Variants in BHLHE22 observed in about 807,000 individuals in gnomAD.
BHLHE22 encodes class E basic helix-loop-helix protein 22.
In BHLHE22, 8 loss-of-function variants were observed where a neutral mutation model predicts 17.6. The ratio of observed to expected loss-of-function variants is 0.45; its 90% CI spans 0.27 to 0.82. The LOEUF (loss-of-function observed/expected upper bound fraction) is 0.82. Among genes scored for constraint, BHLHE22 ranks in the 40% least tolerant of loss-of-function variants. The pLI is 0.16. For missense variants in BHLHE22, 570 were observed against 581.5 expected, an observed-to-expected ratio of 0.98 and a Z score of 0.20; for synonymous variants, 353 against 282.7, an observed-to-expected ratio of 1.25 and a Z score of -2.49.
rs764929269 is a variant in BHLHE22, at chr8:64,581,597, C to T, written c.807C>T (p.Ile269=). 5 of 1,612,760 alleles carry T rather than the reference C, an allele frequency of 3.1e-6. No individual in the cohort carries two copies. The highest frequency in any genetic ancestry group is 2.2e-5 in the South Asian group (2 of 91,036). ...CGCTGGACGAGCTGCGCGCGGTGAT[C>T]CCCTACGCGCACAGCCCCTCGGTGC... ...NDALDELRAV[I]PYAHSPSVRK... is the part of the protein sequence containing the mutation. Residue 269 remains isoleucine (I), a synonymous_variant, in exon 1 of 1, where the codon ATC becomes ATT. Coordinates refer to ENST00000321870, the MANE Select transcript of BHLHE22 (RefSeq NM_152414.5). This position sits in a 1 kb window ranked among gnomAD's most constrained non-coding sequence, Gnocchi z 6.4.
Position 64,581,057 on chromosome 8 carries a change from A to AAGTGGCGGCGGC in BHLHE22, c.268_279dup (p.Ser90_Gly93dup). ...GAGGAGGCGGCGGCGGCAGCGCGGG[A>AAGTGGCGGCGGC]AGTGGCGGCGGCGGCGGCGGCGGGG... is the stretch of plus-strand genomic sequence containing the variant. On this transcript the variant is annotated inframe_insertion, in exon 1 of 1. Coordinates refer to ENST00000321870, the MANE Select transcript of BHLHE22 (RefSeq NM_152414.5). This position sits in a 1 kb window ranked among gnomAD's most constrained non-coding sequence, Gnocchi z 6.4. 7.6e-7 allele frequency: 1 copy of AAGTGGCGGCGGC among 1,315,362 alleles called. No homozygotes were observed. The highest frequency in any genetic ancestry group is 9.6e-7 in the Non-Finnish European group (1 of 1,045,040). 81.5% of individuals were successfully genotyped at this position (1,315,362 alleles called of 1,614,324 possible). A position where few individuals can be genotyped will look rare whatever the true frequency, so the allele number is the denominator to read the frequency against.
At position 64,581,633 on chromosome 8, in the gene BHLHE22, C is replaced by G. The variant is rs1194812219; in HGVS notation, c.843C>G (p.Ser281=). The G allele has an allele frequency of 1.2e-6, 2 of 1,613,324 alleles. No homozygotes were observed. Among genetic ancestry groups the G allele is most frequent in the Non-Finnish European group, 1.7e-6 (2 of 1,179,872 alleles). Residue 281 remains serine, a synonymous_variant, in exon 1 of 1, where the codon TCC becomes TCG. Coordinates refer to ENST00000321870, the MANE Select transcript of BHLHE22 (RefSeq NM_152414.5). This position sits in a 1 kb window ranked among gnomAD's most constrained non-coding sequence, Gnocchi z 6.4. ...YAHSPSVRKL[S]KIATLLLAKN... ...ACAGCCCCTCGGTGCGAAAGCTCTC[C>G]AAGATCGCCACGCTGCTGCTCGCCA...
chr8:64,582,437 A>G lies in BHLHE22; in HGVS notation c.*501A>G, dbSNP rs1478722952. On this transcript the variant is annotated 3_prime_UTR_variant, in exon 1 of 1. Transcript: ENST00000321870. ...CAAATCAGAAAGGGCACTTGAAAAT[A>G]AATTTTGATTCTGAGCCAGGAGAAA... The G allele has an allele frequency of 5.9e-6, 1 of 169,314 alleles. No homozygotes were observed. The highest frequency in any genetic ancestry group is 1.4e-5 in the Non-Finnish European group (1 of 69,928). 10.5% of individuals were successfully genotyped at this position (169,314 alleles called of 1,614,324 possible). A position where few individuals can be genotyped will look rare whatever the true frequency, so the allele number is the denominator to read the frequency against.
In BHLHE22 at chr8:64,583,502, C is replaced by A. The variant is rs9650210; in HGVS notation, c.*1566C>A. 16,490 of 166,894 alleles carry A rather than the reference C, an allele frequency of 0.099. 860 individuals carry two copies. The highest frequency in any genetic ancestry group is 0.12 in the Non-Finnish European group (7,966 of 68,032). 10.3% of individuals were successfully genotyped at this position (166,894 alleles called of 1,614,324 possible). A position where few individuals can be genotyped will look rare whatever the true frequency, so the allele number is the denominator to read the frequency against. Reference sequence around the variant, plus strand: ...TTGGGAGCTGTGATGGATCTGTTGGCGGGTTTTGGATGTGTAAAGAATGAT... The same window carrying A: ...TTGGGAGCTGTGATGGATCTGTTGGAGGGTTTTGGATGTGTAAAGAATGAT... On this transcript the variant is annotated 3_prime_UTR_variant, in exon 1 of 1. Coordinates refer to ENST00000321870, the MANE Select transcript of BHLHE22 (RefSeq NM_152414.5).
chr8:64,582,289 A>C lies in BHLHE22; in HGVS notation c.*353A>C. 1 of 342,392 alleles carries C rather than the reference A, an allele frequency of 2.9e-6. No individual in the cohort carries two copies. The highest frequency in any genetic ancestry group is 5.6e-6 in the Non-Finnish European group (1 of 177,932). 21.2% of individuals were successfully genotyped at this position (342,392 alleles called of 1,614,324 possible). A position where few individuals can be genotyped will look rare whatever the true frequency, so the allele number is the denominator to read the frequency against. On this transcript the variant is annotated 3_prime_UTR_variant, in exon 1 of 1. Transcript: ENST00000321870. ...GTTGAGAAGTAGTGCTTGGTTATTA[A>C]GCCTGGAGAGTGTTTGAATGGCAAA...
Position 64,581,546 on chromosome 8 carries a change from C to A in BHLHE22, c.756C>A (p.Arg252=). The A allele has an allele frequency of 6.2e-7, 1 of 1,610,156 alleles. No individual in the cohort carries two copies. Among genetic ancestry groups the A allele is most frequent in the South Asian group, 1.1e-5 (1 of 90,948 alleles). ...GGCTTAACATCAATGCCCGAGAGCG[C>A]CGGCGGATGCACGACCTGAACGACG... The part of the protein sequence containing the change: ...ALRLNINARE[R]RRMHDLNDAL... Residue 252 remains arginine (R), a synonymous_variant, in exon 1 of 1, where the codon CGC becomes CGA. Transcript: ENST00000321870. This position sits in a 1 kb window ranked among gnomAD's most constrained non-coding sequence, Gnocchi z 6.4.
In BHLHE22 at chr8:64,583,299, A is replaced by G. The variant is rs952617131; in HGVS notation, c.*1363A>G. On this transcript the variant is annotated 3_prime_UTR_variant, in exon 1 of 1. Coordinates refer to ENST00000321870, the MANE Select transcript of BHLHE22 (RefSeq NM_152414.5). ...AAAATAAAATTTAAAAAGAAAGAAA[A>G]CTAAGGAAGAACAAGAAGCTATTTA... 3 of 167,094 alleles carry G rather than the reference A, an allele frequency of 1.8e-5. No homozygotes were observed. The highest frequency in any genetic ancestry group is 4.4e-5 in the Non-Finnish European group (3 of 68,118). The allele number at this position is 167,094 out of a possible 1,614,324, so 10.4% of individuals were successfully genotyped here. A position where few individuals can be genotyped will look rare whatever the true frequency, so the allele number is the denominator to read the frequency against.
chr8:64,582,093 G>C lies in BHLHE22; in HGVS notation c.*157G>C, dbSNP rs1223767040. 4 of 676,208 alleles carry C rather than the reference G, an allele frequency of 5.9e-6. No individual in the cohort carries two copies. In the African/African-American group the frequency reaches 8.0e-5, roughly 14 times the overall value. 41.9% of individuals were successfully genotyped at this position (676,208 alleles called of 1,614,324 possible). Reference sequence around the variant, plus strand: ...GAGGAGAAGTATCAGAGACAAACGGGACTTTTAGCCTTGACATCCCCAGAA... The same window carrying C: ...GAGGAGAAGTATCAGAGACAAACGGCACTTTTAGCCTTGACATCCCCAGAA... On this transcript the variant is annotated 3_prime_UTR_variant, in exon 1 of 1. Transcript: ENST00000321870.
In BHLHE22 at chr8:64,580,997, C is replaced by G; in HGVS notation, c.207C>G (p.Asp69Glu). 1.5e-6 allele frequency: 2 copies of G among 1,344,734 alleles called. No individual in the cohort carries two copies. Among genetic ancestry groups the G allele is most frequent in the South Asian group, 2.0e-5 (1 of 49,186 alleles). 83.3% of individuals were successfully genotyped at this position (1,344,734 alleles called of 1,614,324 possible). Residue 69 changes from aspartate to glutamate, a missense_variant, in exon 1 of 1, where the codon GAC (aspartate) becomes GAG (glutamate). Physicochemically the swap from Asp to Glu is conservative, Grantham distance 45 (BLOSUM62 2). Around this residue, in one of 3 missense-constraint regions of BHLHE22, gnomAD observed 427 missense variants for 376.2 expected, o/e 1.14. Transcript: ENST00000321870. ...CCCTGGGCTGCTTCGAGCCGGCTGA[C>G]CCCGAGGGGGCAGGGCTGCTGTTGC... ...SSPLGCFEPA[D>E]PEGAGLLLPP...
In BHLHE22 at chr8:64,580,703, C is replaced by G. The variant is rs1242500633; in HGVS notation, c.-88C>G. ...CACCAGCTCCGGAGCCCAGCTCGCG[C>G]GCGTCTGTGGGGCCGCCTGACTCCG... On this transcript the variant is annotated 5_prime_UTR_variant, in exon 1 of 1. Coordinates refer to ENST00000321870, the MANE Select transcript of BHLHE22 (RefSeq NM_152414.5). The G allele has an allele frequency of 1.2e-6, 1 of 840,156 alleles. No homozygotes were observed. The highest frequency in any genetic ancestry group is 1.4e-6 in the Non-Finnish European group (1 of 694,520). 52.0% of individuals were successfully genotyped at this position (840,156 alleles called of 1,614,324 possible).
Position 64,581,946 on chromosome 8 carries a change from C to G in BHLHE22, c.*10C>G, listed in dbSNP as rs554287197. ...CACGGAGAAGCCTTAAACACACCCC[C>G]GAAAAACACAAGACCGACCCAAAAT... On this transcript the variant is annotated 3_prime_UTR_variant, in exon 1 of 1. Coordinates refer to ENST00000321870, the MANE Select transcript of BHLHE22 (RefSeq NM_152414.5). The surrounding 1 kb of genome is among the most constrained non-coding windows in gnomAD (Gnocchi z 6.4). 1.2e-6 allele frequency: 2 copies of G among 1,610,692 alleles called. No individual in the cohort carries two copies. Among genetic ancestry groups the G allele is most frequent in the African/African-American group, 1.3e-5 (1 of 74,774 alleles).
Position 64,581,480 on chromosome 8 carries a change from C to T in BHLHE22, c.690C>T (p.Ser230=). 6.4e-7 allele frequency: 1 copy of T among 1,558,054 alleles called. No homozygotes were observed. The highest frequency in any genetic ancestry group is 1.2e-5 in the South Asian group (1 of 86,020). ...GSGSGGSSSS[S]SSSSKKSKEQ... The stretch of plus-strand genomic sequence containing the variant: ...GCAGCGGCGGCAGCAGCAGCAGCAG[C>T]AGCAGCAGCAGCAAGAAATCCAAAG... The change falls in exon 1 of 1, where the codon AGC becomes AGT. Residue 230 remains serine, a synonymous_variant. Transcript: ENST00000321870. The surrounding 1 kb of genome is among the most constrained non-coding windows in gnomAD (Gnocchi z 6.4).
chr8:64,581,924 G>A lies in BHLHE22; in HGVS notation c.1134G>A (p.Thr378=), dbSNP rs1187279510. 1.2e-6 allele frequency: 2 copies of A among 1,611,560 alleles called. No homozygotes were observed. Among genetic ancestry groups the A allele is most frequent in the Non-Finnish European group, 1.7e-6 (2 of 1,179,672 alleles). The change falls in exon 1 of 1, where the codon ACG becomes ACA. Residue 378 remains threonine (T), a synonymous_variant. Coordinates refer to ENST00000321870, the MANE Select transcript of BHLHE22 (RefSeq NM_152414.5). The surrounding 1 kb of genome is among the most constrained non-coding windows in gnomAD (Gnocchi z 6.4). ...CCTCCAGCCTCTGCAAACAGTGCAC[G>A]GAGAAGCCTTAAACACACCCCCGAA... ...SVSSSLCKQC[T]EKP
rs2129629364 is a variant in BHLHE22, at chr8:64,581,078, C to CGGG, written c.290_292dup (p.Gly97dup). 1 of 1,317,096 alleles carries CGGG rather than the reference C, an allele frequency of 7.6e-7. No homozygotes were observed. The highest frequency in any genetic ancestry group is 9.6e-7 in the Non-Finnish European group (1 of 1,042,700). The allele number at this position is 1,317,096 out of a possible 1,614,324, so 81.6% of individuals were successfully genotyped here. On this transcript the variant is annotated inframe_insertion, in exon 1 of 1. Coordinates refer to ENST00000321870, the MANE Select transcript of BHLHE22 (RefSeq NM_152414.5). This position sits in a 1 kb window ranked among gnomAD's most constrained non-coding sequence, Gnocchi z 6.4. ...CGGGAAGTGGCGGCGGCGGCGGCGG[C>CGGG]GGGGTGGGTGTCCCCGGGCTGCTAG...
In BHLHE22 at chr8:64,581,059, G is replaced by A; in HGVS notation, c.269G>A (p.Ser90Asn). 7.5e-7 allele frequency: 1 copy of A among 1,325,888 alleles called. No individual in the cohort carries two copies. The highest frequency in any genetic ancestry group is 9.5e-7 in the Non-Finnish European group (1 of 1,048,914). 82.1% of individuals were successfully genotyped at this position (1,325,888 alleles called of 1,614,324 possible). Reference protein sequence around the residue: ...PGGGGGGSAGSGGGGGGGVGV... With the variant: ...PGGGGGGSAGNGGGGGGGVGV... The stretch of plus-strand genomic sequence containing the variant: ...GGAGGCGGCGGCGGCAGCGCGGGAA[G>A]TGGCGGCGGCGGCGGCGGCGGGGTG... The change falls in exon 1 of 1, where the codon AGT (serine) becomes AAT (asparagine). Residue 90 changes from serine (S) to asparagine (N), a missense_variant. Physicochemically the swap from Ser to Asn is conservative, Grantham distance 46. Around this residue, in one of 3 missense-constraint regions of BHLHE22, gnomAD observed 427 missense variants for 376.2 expected, o/e 1.14. Transcript: ENST00000321870. This position sits in a 1 kb window ranked among gnomAD's most constrained non-coding sequence, Gnocchi z 6.4.
In BHLHE22 at chr8:64,582,383, T is replaced by G. The variant is rs1585787785; in HGVS notation, c.*447T>G. Reference sequence around the variant, plus strand: ...GGGAGAGGAGGGGTTAGGGGTTGGGTAGCATGAGAGATGGAATATTCATTC... The same window carrying G: ...GGGAGAGGAGGGGTTAGGGGTTGGGGAGCATGAGAGATGGAATATTCATTC... On this transcript the variant is annotated 3_prime_UTR_variant, in exon 1 of 1. Coordinates refer to ENST00000321870, the MANE Select transcript of BHLHE22 (RefSeq NM_152414.5). The G allele has an allele frequency of 5.4e-6, 1 of 186,118 alleles. No homozygotes were observed. The highest frequency in any genetic ancestry group is 1.6e-4 in the South Asian group (1 of 6,370). The allele number at this position is 186,118 out of a possible 1,614,324, so 11.5% of individuals were successfully genotyped here.
In BHLHE22 at chr8:64,581,559, G is replaced by T; in HGVS notation, c.769G>T (p.Asp257Tyr). The T allele has an allele frequency of 1.9e-6, 3 of 1,611,396 alleles. No homozygotes were observed. The highest frequency in any genetic ancestry group is 2.5e-6 in the Non-Finnish European group (3 of 1,179,728). The change falls in exon 1 of 1, where the codon GAC becomes TAC. Residue 257 changes from aspartate (D) to tyrosine (Y), a missense_variant. Coordinates refer to ENST00000321870, the MANE Select transcript of BHLHE22 (RefSeq NM_152414.5). The surrounding 1 kb of genome is among the most constrained non-coding windows in gnomAD (Gnocchi z 6.4). ...INARERRRMH[D>Y]LNDALDELRA... ...TGCCCGAGAGCGCCGGCGGATGCAC[G>T]ACCTGAACGACGCGCTGGACGAGCT...
rs1305389124 is a variant in BHLHE22, at chr8:64,581,839, G to A, written c.1049G>A (p.Ser350Asn). 2 of 1,605,974 alleles carry A rather than the reference G, an allele frequency of 1.2e-6. No homozygotes were observed. Among genetic ancestry groups the A allele is most frequent in the Non-Finnish European group, 1.7e-6 (2 of 1,178,818 alleles). Residue 350 changes from serine to asparagine, a missense_variant, in exon 1 of 1, where the codon AGC (serine) becomes AAC (asparagine). Physicochemically the swap from Ser to Asn is conservative, Grantham distance 46. Coordinates refer to ENST00000321870, the MANE Select transcript of BHLHE22 (RefSeq NM_152414.5). This position sits in a 1 kb window ranked among gnomAD's most constrained non-coding sequence, Gnocchi z 6.4. ...GAGCAGGCAGCCGGCTACCCGTTCA[G>A]CGCCGGACTGCCCCCGGCTGCCTCC... is the stretch of plus-strand genomic sequence containing the variant. ...AYEQAAGYPF[S>N]AGLPPAASCP... is the part of the protein sequence containing the mutation.
In BHLHE22 at chr8:64,581,866, G is replaced by T. The variant is rs1428135042; in HGVS notation, c.1076G>T (p.Cys359Phe). 1 of 1,608,940 alleles carries T rather than the reference G, an allele frequency of 6.2e-7. No individual in the cohort carries two copies. The highest frequency in any genetic ancestry group is 1.7e-5 in the Admixed American group (1 of 59,952). ...GCCGGACTGCCCCCGGCTGCCTCCT[G>T]CCCGGAGAAGTGCGCCCTGTTTAAC... ...FSAGLPPAAS[C>F]PEKCALFNSV... Residue 359 changes from cysteine to phenylalanine, a missense_variant, in exon 1 of 1, where the codon TGC becomes TTC. Cys to Phe is a radical substitution (Grantham distance 205, BLOSUM62 -2). Transcript: ENST00000321870. This position sits in a 1 kb window ranked among gnomAD's most constrained non-coding sequence, Gnocchi z 6.4.
Sources: allele counts gnomAD v4.1 joint callset, GRCh38; gene constraint gnomAD v4.1.1; regional missense constraint gnomAD v4.1.1; non-coding constraint Gnocchi (gnomAD v3.1); transcripts MANE v1.5; gene names NCBI Gene and HGNC (gene_info 2026-07-23, HGNC 2026-07-21).